JADE1: variants seen among roughly 807,000 people sequenced by gnomAD.
The protein encoded by JADE1 is jade family PHD finger 1, also known as protein Jade-1.
In JADE1, 14 loss-of-function variants were observed where a neutral mutation model predicts 81.8. The observed-to-expected ratio is 0.17, with a 90% CI of 0.11 to 0.27. The LOEUF is 0.27. JADE1 is among the 10% of genes least tolerant of loss of function. The pLI is 1.00. For missense variants in JADE1, 690 were observed against 1,047.9 expected (o/e 0.66, Z 4.71); for synonymous variants, 353 against 391.9 (o/e 0.90, Z 1.17).
In JADE1 at chr4:128,846,377, G is replaced by A; in HGVS notation, c.141G>A (p.Val47=). 3 of 1,614,058 alleles carry A rather than the reference G, an allele frequency of 1.9e-6. No individual in the cohort carries two copies. Among genetic ancestry groups the A allele is most frequent in the Non-Finnish European group, 1.7e-6 (2 of 1,179,938 alleles). The change falls in exon 4 of 11, where the codon GTG becomes GTA. Residue 47 remains valine (V), a splice_region_variant and synonymous_variant. Coordinates refer to ENST00000226319, the MANE Select transcript of JADE1 (RefSeq NM_199320.4). This position sits in a 1 kb window ranked among gnomAD's most constrained non-coding sequence, Gnocchi z 4.0. ...TGTCCCTTTCTCTTCCTTTCCAGGT[G>A]TTTAGGACAGACCTGATCACTGCCA... ...SRHEDRKPSE[V]FRTDLITAMK... is the part of the protein sequence containing the mutation.
chr4:128,831,809 C>G lies in JADE1; in HGVS notation c.51C>G (p.Gly17=). The change falls in exon 2 of 11, where the codon GGC becomes GGG. Residue 17 remains glycine (G), a splice_region_variant and synonymous_variant. Transcript: ENST00000226319. ...PSSSEDSDDN[G]SLSTTWSQNS... ...GCAGTGAGGATTCTGACGACAATGGCAGTAAGTCCTGCTTTGTTGTTCTTG... is the reference window on the plus strand; with the variant it reads ...GCAGTGAGGATTCTGACGACAATGGGAGTAAGTCCTGCTTTGTTGTTCTTG... 6.2e-7 allele frequency: 1 copy of G among 1,613,618 alleles called. No individual in the cohort carries two copies. The highest frequency in any genetic ancestry group is 8.5e-7 in the Non-Finnish European group (1 of 1,179,548).
chr4:128,845,886 C>T (rs942178647), intron 3 of JADE1, among the ~76,000 whole-genome samples: 6 of 151,274 alleles, frequency 4.0e-5, no homozygotes, highest in East Asian at 1.9e-4. Flanking sequence ...ACTGTGTTAC[C>T]GCACTCCAGC....
Position 128,871,409 on chromosome 4 carries a change from G to T in JADE1, c.1676G>T (p.Ser559Ile), listed in dbSNP as rs369677181. 6.2e-7 allele frequency: 1 copy of T among 1,614,058 alleles called. No individual in the cohort carries two copies. The highest frequency in any genetic ancestry group is 8.5e-7 in the Non-Finnish European group (1 of 1,180,032). ...CTGGAAAACATGCTTTTGTTTAACA[G>T]TCCTTCTGTTGGCCCTGATGCTCCC... is the stretch of plus-strand genomic sequence containing the variant. ...SSLENMLLFN[S>I]PSVGPDAPKI... The change falls in exon 11 of 11, where the codon AGT (serine) becomes ATT (isoleucine). Residue 559 changes from serine (S) to isoleucine (I), a missense_variant. Physicochemically the swap from Ser to Ile is moderately radical, Grantham distance 142 (BLOSUM62 -2). This residue lies in a region of JADE1 where 86 missense variants were observed against 95.4 expected (regional missense o/e 0.90). Coordinates refer to ENST00000226319, the MANE Select transcript of JADE1 (RefSeq NM_199320.4). This position sits in a 1 kb window ranked among gnomAD's most constrained non-coding sequence, Gnocchi z 4.1.
intron 4 of JADE1, among the ~76,000 whole-genome samples, chr4:128,848,117 A>G (rs531272344): frequency 6.6e-6 from 1 of 152,184 alleles, no homozygotes; most frequent in African/African-American, 2.4e-5. Context: ...TGGGAGAGTC[A>G]GTCCCCTTCT....
chr4:128,828,168 A>G (rs1303071726), intron 1 of JADE1, among the ~76,000 whole-genome samples: 1 of 152,172 alleles, frequency 6.6e-6, no homozygotes, highest in African/African-American at 2.4e-5. Flanking sequence ...GAGATATTCA[A>G]ATGTTTGTCG....
intron 10 of JADE1, among the ~76,000 whole-genome samples, chr4:128,870,204 T>C (rs1352059534): frequency 6.6e-6 from 1 of 152,224 alleles, no homozygotes; most frequent in Non-Finnish European, 1.5e-5. Flanking sequence ...ATTCTAATGA[T>C]TGATTCTTGA....
At chr4:128,827,548 C>T (rs1235725853) in intron 1 of JADE1, among the ~76,000 whole-genome samples, 2 of 152,112 alleles carry the variant, frequency 1.3e-5, no homozygotes, top group African/African-American at 4.8e-5. Context: ...AGAACAGATG[C>T]CTGAGTAAAG....
At chr4:128,856,984 C>T (rs920487357) in intron 7 of JADE1, among the ~76,000 whole-genome samples, 2 of 152,118 alleles carry the variant, frequency 1.3e-5, no homozygotes, top group African/African-American at 4.8e-5. Context: ...CTATTTGAAT[C>T]GATTTAAGAT....
At chr4:128,841,237 G>A (rs944573264) in intron 2 of JADE1, among the ~76,000 whole-genome samples, 8 of 152,126 alleles carry the variant, frequency 5.3e-5, no homozygotes, top group African/African-American at 1.9e-4. Context: ...TTCAGGATTG[G>A]GGTGATGATT....
In JADE1 at chr4:128,872,764, CAT is replaced by C. The variant is rs1732288766; in HGVS notation, c.*506_*507del. On this transcript the variant is annotated 3_prime_UTR_variant, in exon 11 of 11. Coordinates refer to ENST00000226319, the MANE Select transcript of JADE1 (RefSeq NM_199320.4). The stretch of plus-strand genomic sequence containing the variant: ...CAAGGCTATTTTTGTTGCATTATAG[CAT>C]ATAGGCAGCAGCTCTGAAGCTTCAG... 1 of 334,008 alleles carries C rather than the reference CAT, an allele frequency of 3.0e-6. No individual in the cohort carries two copies. The highest frequency in any genetic ancestry group is 2.1e-5 in the African/African-American group (1 of 46,682). 20.7% of individuals were successfully genotyped at this position (334,008 alleles called of 1,614,324 possible).
chr4:128,859,941 C>T (rs1042014588), intron 8 of JADE1, among the ~76,000 whole-genome samples: 2 of 152,170 alleles, frequency 1.3e-5, no homozygotes, highest in Admixed American at 6.5e-5. Flanking sequence ...CTCTGGTTTA[C>T]GTTTCTGTAA....
intron 1 of JADE1, among the ~76,000 whole-genome samples, chr4:128,819,721 G>A (rs1177746150): frequency 1.3e-5 from 2 of 152,218 alleles, no homozygotes; most frequent in African/African-American, 4.8e-5. Context: ...ATGAATCTGT[G>A]TTTCAGTTTT....
intron 1 of JADE1, among the ~76,000 whole-genome samples, chr4:128,810,918 T>C (rs1368803870): frequency 2.0e-5 from 3 of 152,206 alleles, no homozygotes; most frequent in East Asian, 1.9e-4. Flanking sequence ...TTAAAGGGGA[T>C]TGCAAATTGC....
chr4:128,848,874 C>T lies in JADE1; in HGVS notation c.297-106C>T, dbSNP rs112693193. 2,055 of 1,062,402 alleles carry T rather than the reference C, an allele frequency of 1.9e-3. 39 individuals carry two copies. In the African/African-American group the frequency reaches 0.03, roughly 15 times the overall value. 65.8% of individuals were successfully genotyped at this position (1,062,402 alleles called of 1,614,324 possible). On this transcript the variant is annotated intron_variant, in intron 4 of 10. Coordinates refer to ENST00000226319, the MANE Select transcript of JADE1 (RefSeq NM_199320.4). Reference sequence around the variant, plus strand: ...CAGGTTTTCAGCCTCTGGTGATGACCTGGGGCTCTAAGGGTTGGAAGAGGA... The same window carrying T: ...CAGGTTTTCAGCCTCTGGTGATGACTTGGGGCTCTAAGGGTTGGAAGAGGA...
rs3811739 is a variant in JADE1 at position 128,866,908 on chromosome 4, T to A, written c.1504-948T>A. Among the ~76,000 whole-genome samples, 52 of 152,230 alleles carry A rather than the reference T, an allele frequency of 3.4e-4. No homozygotes were observed. The East Asian group carries it at 0.01, about 29-fold the overall frequency. On this transcript the variant is annotated intron_variant, in intron 9 of 10. Transcript: ENST00000226319. ...TGCAGGTCCGTGTAATCTAATCAGG[T>A]TGACCAATAGAAGATTTTAGGACTG... is the stretch of plus-strand genomic sequence containing the variant.
chr4:128,837,218 C>T (rs950206633), intron 2 of JADE1, among the ~76,000 whole-genome samples: 2 of 152,180 alleles, frequency 1.3e-5, no homozygotes, highest in African/African-American at 2.4e-5. Context: ...CCTATCAGAG[C>T]CAGGCTCTGC....
chr4:128,843,716 A>C (rs934938429), intron 3 of JADE1, among the ~76,000 whole-genome samples: 1 of 152,198 alleles, frequency 6.6e-6, no homozygotes, highest in Non-Finnish European at 1.5e-5. Flanking sequence ...ACAGTTTTCA[A>C]GTGAGAAGGT....
In JADE1 at chr4:128,813,719, C is replaced by G. The variant is rs539308534; in HGVS notation, c.-27+3842C>G. ...TACAGGCGTGAGCCACCACGCCCAG[C>G]CTGCTTACGGTCACTTGTAAATCAG... On this transcript the variant is annotated intron_variant, in intron 1 of 10. Transcript: ENST00000226319. Among the ~76,000 whole-genome samples, 12 of 152,080 alleles carry G rather than the reference C, an allele frequency of 7.9e-5. No individual in the cohort carries two copies. The South Asian group carries it at 1.0e-3, about 13-fold the overall frequency.
chr4:128,865,229 C>A (rs1731697838), intron 9 of JADE1, among the ~76,000 whole-genome samples: 1 of 152,136 alleles, frequency 6.6e-6, no homozygotes, highest in Admixed American at 6.5e-5. Flanking sequence ...ACACTGAAAC[C>A]ACTTTTAGAT....
Sources: gnomAD v4.1 joint callset for allele counts (sites outside exome capture counted in the v4.1 genomes callset) on GRCh38, gnomAD v4.1.1 for gene constraint, gnomAD v4.1.1 regional missense constraint, Gnocchi (gnomAD v3.1) non-coding constraint, MANE v1.5 for transcripts, NCBI Gene and HGNC (gene_info 2026-07-23, HGNC 2026-07-21) for gene names.